ZNF197: variants seen among roughly 807,000 people sequenced by gnomAD.
The protein encoded by ZNF197 is zinc finger protein 197.
Under a neutral mutation model 27.4 loss-of-function variants are expected in ZNF197, and 14 were observed. The observed-to-expected ratio is 0.51, with a 90% CI of 0.34 to 0.80. The LOEUF (loss-of-function observed/expected upper bound fraction) is 0.80, where lower values mean the gene tolerates loss of function less well. Among genes scored for constraint, ZNF197 ranks in the 30% least tolerant of loss-of-function variants. The probability of loss-of-function intolerance (pLI) is 0.02; values close to 1 mark genes in which losing one functional copy is unlikely to be tolerated. For synonymous variants in ZNF197, 415 were observed against 420.0 expected (o/e 0.99, Z 0.15); for missense variants, 1,090 against 1,222.6 (o/e 0.89, Z 1.62).
chr3:44,638,191 T>C (rs1029380517), intron 5 of ZNF197, among the ~76,000 whole-genome samples: 2 of 152,212 alleles, frequency 1.3e-5, no homozygotes, highest in Non-Finnish European at 2.9e-5. Flanking sequence ...TTGTTAAATT[T>C]ATCCTAATCT....
At chr3:44,636,094 G>A (rs1447436793) in intron 5 of ZNF197, among the ~76,000 whole-genome samples, 1 of 152,142 alleles carries the variant, frequency 6.6e-6, no homozygotes, top group Non-Finnish European at 1.5e-5. Flanking sequence ...CACGAGGTCA[G>A]GAGATCAAGA....
intron 5 of ZNF197, among the ~76,000 whole-genome samples, chr3:44,636,005 A>G (rs1344823791): frequency 6.6e-6 from 1 of 152,196 alleles, no homozygotes; most frequent in African/African-American, 2.4e-5. Flanking sequence ...CATCACCACA[A>G]TAATTTTAAA....
intron 5 of ZNF197, 102 bp from the exon 6 acceptor site, chr3:44,641,798 A>T: frequency 7.4e-7 from 1 of 1,359,430 alleles, no homozygotes. Context: ...TTGTATGCAT[A>T]TTAAAGTGTG....
rs181951052 is a variant in ZNF197 at position 44,646,855 on chromosome 3, G to A, written c.*2635G>A. 9 of 259,866 alleles carry A rather than the reference G, an allele frequency of 3.5e-5. No homozygotes were observed. Among genetic ancestry groups the A allele is most frequent in the East Asian group, 8.8e-5 (1 of 11,330 alleles). 16.1% of individuals were successfully genotyped at this position (259,866 alleles called of 1,614,324 possible). On this transcript the variant is annotated 3_prime_UTR_variant, in exon 6 of 6. Transcript: ENST00000344387. ...AAAGCAATTCAATGGAGGAGGGATC[G>A]CCTTTTCAGCAAATACTGTTGGAGT...
rs1202360385 is a variant in ZNF197, at chr3:44,646,485, T to A, written c.*2265T>A. 1 of 1,605,162 alleles carries A rather than the reference T, an allele frequency of 6.2e-7. No individual in the cohort carries two copies. The highest frequency in any genetic ancestry group is 1.3e-5 in the African/African-American group (1 of 74,702). ...TTTAATCAAGCTTCTTGGACCTCAT[T>A]GCCAGGTTACAGGAAATACAGGAGG... On this transcript the variant is annotated 3_prime_UTR_variant, in exon 6 of 6. Coordinates refer to ENST00000344387, the MANE Select transcript of ZNF197 (RefSeq NM_006991.5).
rs570540292 is a variant in ZNF197 at position 44,645,705 on chromosome 3, C to A, written c.*1485C>A. 2.0e-6 allele frequency: 2 copies of A among 985,376 alleles called. No individual in the cohort carries two copies. The highest frequency in any genetic ancestry group is 2.3e-4 in the East Asian group (2 of 8,800). The allele number at this position is 985,376 out of a possible 1,614,324, so 61.0% of individuals were successfully genotyped here. A position where few individuals can be genotyped will look rare whatever the true frequency, so the allele number is the denominator to read the frequency against. Reference sequence around the variant, plus strand: ...CTAATCAATATTTCATCATTGCTGTCAAATGATAGCCTGTTACTAATGAAA... The same window carrying A: ...CTAATCAATATTTCATCATTGCTGTAAAATGATAGCCTGTTACTAATGAAA... On this transcript the variant is annotated 3_prime_UTR_variant, in exon 6 of 6. Transcript: ENST00000344387.
intron 1 of ZNF197, among the ~76,000 whole-genome samples, chr3:44,625,739 C>T (rs1004370964): frequency 1.0e-5 from 1 of 100,030 alleles, no homozygotes; most frequent in Non-Finnish European, 1.9e-5. Flanking sequence ...CTGGCCTTTG[C>T]GCGCGCGCGC....
At chr3:44,638,265 A>G (rs1702415038) in intron 5 of ZNF197, among the ~76,000 whole-genome samples, 1 of 151,844 alleles carries the variant, frequency 6.6e-6, no homozygotes, top group Non-Finnish European at 1.5e-5. Flanking sequence ...ATACTAATGC[A>G]TAGAAATACC....
Position 44,643,850 on chromosome 3 carries a change from G to A in ZNF197, c.2720G>A (p.Cys907Tyr). 1 of 1,613,578 alleles carries A rather than the reference G, an allele frequency of 6.2e-7. No individual in the cohort carries two copies. The highest frequency in any genetic ancestry group is 8.5e-7 in the Non-Finnish European group (1 of 1,179,916). Residue 907 changes from cysteine (C) to tyrosine (Y), a missense_variant, in exon 6 of 6, where the codon TGT (cysteine) becomes TAT (tyrosine). Physicochemically the swap from Cys to Tyr is radical, Grantham distance 194. Transcript: ENST00000344387. ...GAGAAACCTTATAAATGTAATGAGT[G>A]TGGAAAAGACTTTAGTCAGAATAAA... ...TGEKPYKCNE[C>Y]GKDFSQNKNL...
In ZNF197 at chr3:44,646,042, AC is replaced by A. The variant is rs1351766956; in HGVS notation, c.*1826del. ...GATTATCATAAATGTTATTAATTCA[AC>A]CCCACAGTTTCTTGGGGGCTGGTTC... On this transcript the variant is annotated 3_prime_UTR_variant, in exon 6 of 6. Coordinates refer to ENST00000344387, the MANE Select transcript of ZNF197 (RefSeq NM_006991.5). The A allele has an allele frequency of 1.0e-6, 1 of 985,012 alleles. No homozygotes were observed. The highest frequency in any genetic ancestry group is 1.2e-6 in the Non-Finnish European group (1 of 829,912). The allele number at this position is 985,012 out of a possible 1,614,324, so 61.0% of individuals were successfully genotyped here. A position where few individuals can be genotyped will look rare whatever the true frequency, so the allele number is the denominator to read the frequency against.
intron 5 of ZNF197, among the ~76,000 whole-genome samples, chr3:44,641,391 G>A (rs1341185475): frequency 6.6e-6 from 1 of 152,156 alleles, no homozygotes; most frequent in African/African-American, 2.4e-5. Context: ...TTTCTTTTCT[G>A]TTGGTTAATT....
At chr3:44,635,334 G>A (rs1429578154) in intron 5 of ZNF197, among the ~76,000 whole-genome samples, 1 of 152,060 alleles carries the variant, frequency 6.6e-6, no homozygotes, top group African/African-American at 2.4e-5. Context: ...CATTGACTTA[G>A]TAACTCTGAT....
At position 44,643,371 on chromosome 3, in the gene ZNF197, A is replaced by G; in HGVS notation, c.2241A>G (p.Ser747=). 6.2e-7 allele frequency: 1 copy of G among 1,614,182 alleles called. No individual in the cohort carries two copies. The highest frequency in any genetic ancestry group is 1.3e-5 in the African/African-American group (1 of 75,050). Residue 747 remains serine, a synonymous_variant, in exon 6 of 6, where the codon TCA becomes TCG. Coordinates refer to ENST00000344387, the MANE Select transcript of ZNF197 (RefSeq NM_006991.5). ...GTGGGAAGGCTTTCAGTTACAATTC[A>G]AGCCTGCTTGTACATCGGAGAATCC... ...EDCGKAFSYN[S]SLLVHRRIHT...
rs1030129921 is a variant in ZNF197 at position 44,629,659 on chromosome 3, A to G, written c.390+115A>G. On this transcript the variant is annotated intron_variant, in intron 2 of 5. Coordinates refer to ENST00000344387, the MANE Select transcript of ZNF197 (RefSeq NM_006991.5). ...TAAAAATTAATAGCATTAATAGCAC[A>G]CTAGCAACCTTAATGATAATTAAAG... The G allele has an allele frequency of 3.9e-6, 5 of 1,283,456 alleles. No homozygotes were observed. In the South Asian group the frequency reaches 7.3e-5, roughly 19 times the overall value. 79.5% of individuals were successfully genotyped at this position (1,283,456 alleles called of 1,614,324 possible).
At chr3:44,628,555 G>A (rs1701798777) in intron 1 of ZNF197, among the ~76,000 whole-genome samples, 1 of 152,184 alleles carries the variant, frequency 6.6e-6, no homozygotes, top group Non-Finnish European at 1.5e-5. Context: ...ATGATTACTT[G>A]TTAACTCTGC....
At position 44,644,116 on chromosome 3, in the gene ZNF197, T is replaced by A. The variant is rs757953293; in HGVS notation, c.2986T>A (p.Ser996Thr). The A allele has an allele frequency of 6.2e-7, 1 of 1,613,982 alleles. No homozygotes were observed. The highest frequency in any genetic ancestry group is 1.3e-5 in the African/African-American group (1 of 74,928). ...ATGTGATGTGTCTGAAAAAGAATTC[T>A]CTCAGACTTCCAACCTTCATCTTCA... Reference protein sequence around the residue: ...CECDVSEKEFSQTSNLHLQQK... With the variant: ...CECDVSEKEFTQTSNLHLQQK... Residue 996 changes from serine to threonine, a missense_variant, in exon 6 of 6, where the codon TCT (serine) becomes ACT (threonine). Ser to Thr is a moderately conservative substitution (Grantham distance 58, BLOSUM62 1). Coordinates refer to ENST00000344387, the MANE Select transcript of ZNF197 (RefSeq NM_006991.5).
Position 44,646,810 on chromosome 3 carries a change from A to C in ZNF197, c.*2590A>C. ...AGAAATAGACTCACATAAATGGCCA[A>C]TTGATTTTTGACAGGGGCAAAAGCA... On this transcript the variant is annotated 3_prime_UTR_variant, in exon 6 of 6. Coordinates refer to ENST00000344387, the MANE Select transcript of ZNF197 (RefSeq NM_006991.5). The C allele has an allele frequency of 2.9e-6, 1 of 347,050 alleles. No homozygotes were observed. The highest frequency in any genetic ancestry group is 5.3e-6 in the Non-Finnish European group (1 of 188,910). The allele number at this position is 347,050 out of a possible 1,614,324, so 21.5% of individuals were successfully genotyped here.
rs986844274 is a variant in ZNF197 at position 44,625,762 on chromosome 3, A to G, written c.-82+619A>G. Among the ~76,000 whole-genome samples, 135 of 150,538 alleles carry G rather than the reference A, an allele frequency of 9.0e-4. 3 individuals carry two copies. Among genetic ancestry groups the G allele is most frequent in the Admixed American group, 5.1e-3 (77 of 15,182 alleles). On this transcript the variant is annotated intron_variant, in intron 1 of 5. Coordinates refer to ENST00000344387, the MANE Select transcript of ZNF197 (RefSeq NM_006991.5). ...TGCGCGCGCGCGCGCACACACACAC[A>G]CACACACACACACACACACACACAC...
At position 44,643,100 on chromosome 3, in the gene ZNF197, AAGTT is replaced by A; in HGVS notation, c.1971_1974del (p.Lys657AsnfsTer4). 6.2e-7 allele frequency: 1 copy of A among 1,613,842 alleles called. No individual in the cohort carries two copies. The highest frequency in any genetic ancestry group is 8.5e-7 in the Non-Finnish European group (1 of 1,179,944). ...CCCTATGAATGTAATGAATGTGGGA[AAGTT>A]TTTATTCTGAAGAAGAGCCTCATTT... is the stretch of plus-strand genomic sequence containing the variant. On this transcript the variant is annotated frameshift_variant, in exon 6 of 6. Coordinates refer to ENST00000344387, the MANE Select transcript of ZNF197 (RefSeq NM_006991.5). LOFTEE classifies it low-confidence loss of function (END_TRUNC).
Sources: allele counts gnomAD v4.1 joint callset (sites outside exome capture counted in the v4.1 genomes callset), GRCh38; gene constraint gnomAD v4.1.1; transcripts MANE v1.5; gene names NCBI Gene and HGNC (gene_info 2026-07-23, HGNC 2026-07-21).